GRID2: variants seen among roughly 807,000 people sequenced by gnomAD.
The protein encoded by GRID2 is glutamate ionotropic receptor delta type subunit 2.
In GRID2, 33 loss-of-function variants were observed where a neutral mutation model predicts 114.8. The observed-to-expected ratio is 0.29, with a 90% CI of 0.22 to 0.38. GRID2 has a LOEUF of 0.38. GRID2 is among the 10% of genes least tolerant of loss of function. The probability of loss-of-function intolerance (pLI) is 1.00; values close to 1 mark genes in which losing one functional copy is unlikely to be tolerated. For missense variants in GRID2, 1,184 were observed against 1,257.7 expected (o/e 0.94, Z 0.89); for synonymous variants, 505 against 449.9 (o/e 1.12, Z -1.55).
In GRID2 at chr4:93,373,861, G is replaced by A. The variant is rs148970003; in HGVS notation, c.1246-21746G>A. ...CAGCCGGGAAAGGCTGCTACAGTAT[G>A]TAGCAAGGTGCTTTTGCTGAAATAA... On this transcript the variant is annotated intron_variant, in intron 8 of 15. Coordinates refer to ENST00000282020, the MANE Select transcript of GRID2 (RefSeq NM_001510.4). Among the ~76,000 whole-genome samples the A allele has an allele frequency of 3.2e-3, 492 of 152,284 alleles. 3 individuals carry two copies. The highest frequency in any genetic ancestry group is 0.011 in the African/African-American group (471 of 41,560).
chr4:93,410,825 C>A (rs1579991286), intron 9 of GRID2, among the ~76,000 whole-genome samples: 1 of 152,312 alleles, frequency 6.6e-6, no homozygotes, highest in East Asian at 1.9e-4. Flanking sequence ...TCAGGTGATC[C>A]TCCCGCCTTG....
intron 1 of GRID2, among the ~76,000 whole-genome samples, chr4:92,575,508 G>A (rs1272199109): frequency 6.6e-6 from 1 of 152,056 alleles, no homozygotes; most frequent in Non-Finnish European, 1.5e-5. Context: ...TGTGGTTTTT[G>A]TTGTTGTTTG....
chr4:93,712,700 T>A (rs1307980621), intron 14 of GRID2, among the ~76,000 whole-genome samples: 5 of 152,178 alleles, frequency 3.3e-5, no homozygotes, highest in Admixed American at 2.0e-4. Flanking sequence ...ATAAATAAAT[T>A]ATTTTATTTC....
intron 14 of GRID2, among the ~76,000 whole-genome samples, chr4:93,745,478 A>C (rs1265179231): frequency 6.6e-6 from 1 of 152,134 alleles, no homozygotes; most frequent in Non-Finnish European, 1.5e-5. Flanking sequence ...CATTTTGTTT[A>C]TGTCAGTGGG....
At chr4:93,451,484 C>G (rs1318239238) in intron 10 of GRID2, among the ~76,000 whole-genome samples, 1 of 152,000 alleles carries the variant, frequency 6.6e-6, no homozygotes, top group East Asian at 1.9e-4. Flanking sequence ...GAAAATGGTA[C>G]AGTATGAATA....
At chr4:92,858,975 A>G (rs1271187082) in intron 2 of GRID2, among the ~76,000 whole-genome samples, 1 of 152,250 alleles carries the variant, frequency 6.6e-6, no homozygotes, top group Non-Finnish European at 1.5e-5. Context: ...CAAATATTGC[A>G]TAAACTGATT....
At chr4:93,395,996 A>G (rs1579942793) in intron 9 of GRID2, among the ~76,000 whole-genome samples, 1 of 152,004 alleles carries the variant, frequency 6.6e-6, no homozygotes, top group East Asian at 1.9e-4. Flanking sequence ...GGTATGTCTC[A>G]GGCCTTCTTT....
intron 2 of GRID2, among the ~76,000 whole-genome samples, chr4:92,922,097 T>C (rs1161758232): frequency 6.6e-6 from 1 of 152,206 alleles, no homozygotes; most frequent in African/African-American, 2.4e-5. Context: ...GATCTCAGAC[T>C]GCTGTGCTAG....
At chr4:93,739,842 C>A (rs1261004787) in intron 14 of GRID2, among the ~76,000 whole-genome samples, 2 of 152,134 alleles carry the variant, frequency 1.3e-5, no homozygotes, top group Non-Finnish European at 2.9e-5. Flanking sequence ...GAATTCTAGG[C>A]CCTTTATCAA....
At chr4:92,979,870 A>G (rs1375302067) in intron 2 of GRID2, among the ~76,000 whole-genome samples, 2 of 152,188 alleles carry the variant, frequency 1.3e-5, no homozygotes, top group African/African-American at 4.8e-5. Flanking sequence ...CCATTGCCAG[A>G]ATGCCTGAGA....
At chr4:93,748,061 G>A (rs1218925403) in intron 14 of GRID2, among the ~76,000 whole-genome samples, 1 of 151,922 alleles carries the variant, frequency 6.6e-6, no homozygotes, top group Non-Finnish European at 1.5e-5. Context: ...TAAACATTTA[G>A]AAAATTAATA....
At chr4:92,918,924 T>C (rs1382021828) in intron 2 of GRID2, among the ~76,000 whole-genome samples, 3 of 152,204 alleles carry the variant, frequency 2.0e-5, no homozygotes, top group African/African-American at 7.2e-5. Flanking sequence ...TCAGAAGGAA[T>C]GGTACCAGTT....
chr4:93,102,889 T>C (rs762442872), intron 3 of GRID2, among the ~76,000 whole-genome samples: 3 of 151,656 alleles, frequency 2.0e-5, no homozygotes, highest in Non-Finnish European at 4.4e-5. Context: ...GATAAAGTTG[T>C]TTTCTAAATG....
At chr4:93,386,082 A>G (rs1764287795) in intron 8 of GRID2, among the ~76,000 whole-genome samples, 1 of 152,154 alleles carries the variant, frequency 6.6e-6, no homozygotes, top group African/African-American at 2.4e-5. Flanking sequence ...ACCCCAAAAC[A>G]CAAAGCTGAA....
At chr4:93,245,111 C>G (rs555826924) in intron 8 of GRID2, among the ~76,000 whole-genome samples, 1 of 152,076 alleles carries the variant, frequency 6.6e-6, no homozygotes, top group African/African-American at 2.4e-5. Flanking sequence ...AATTAACTTA[C>G]TCTTTTATAA....
intron 1 of GRID2, among the ~76,000 whole-genome samples, chr4:92,441,658 G>A (rs1321116413): frequency 6.6e-6 from 1 of 152,144 alleles, no homozygotes; most frequent in Non-Finnish European, 1.5e-5. Context: ...TGCTGTAGCA[G>A]GCGAGTGATA....
chr4:93,038,802 A>T (rs989811117), intron 2 of GRID2, among the ~76,000 whole-genome samples: 1 of 151,962 alleles, frequency 6.6e-6, no homozygotes, highest in East Asian at 1.9e-4. Context: ...AAAGAAAAAA[A>T]AAAGGTCAGG....
intron 1 of GRID2, among the ~76,000 whole-genome samples, chr4:93,804,869 T>C (rs1330390694): frequency 6.6e-6 from 1 of 152,196 alleles, no homozygotes; most frequent in Admixed American, 6.5e-5. Flanking sequence ...GCAACTACTA[T>C]ATCTATTAGT....
chr4:93,790,482 G>C (rs1173413656), intron 1 of GRID2, among the ~76,000 whole-genome samples: 3 of 151,540 alleles, frequency 2.0e-5, no homozygotes, highest in African/African-American at 7.3e-5. Flanking sequence ...TTATTCCAAA[G>C]GAAGGGAAAA....
Sources: gnomAD v4.1 joint callset for allele counts (sites outside exome capture counted in the v4.1 genomes callset) on GRCh38, gnomAD v4.1.1 for gene constraint, MANE v1.5 for transcripts, NCBI Gene and HGNC (gene_info 2026-07-23, HGNC 2026-07-21) for gene names.